Variants in ANKRD29 observed in about 807,000 individuals in gnomAD.
ANKRD29 encodes the protein ankyrin repeat domain-containing protein 29.
ANKRD29 carries 32 observed loss-of-function variants against 38.0 expected under a neutral mutation model. That is an observed-to-expected ratio of 0.84 (90% CI 0.64 to 1.13). The LOEUF (loss-of-function observed/expected upper bound fraction) is 1.13. ANKRD29 is among the 50% of genes most tolerant of loss of function. ANKRD29 has a pLI of 0.00. For missense variants in ANKRD29, 357 were observed against 377.9 expected (o/e 0.94, Z 0.46); for synonymous variants, 135 against 152.4 (o/e 0.89, Z 0.84).
chr18:23,658,502 C>G (rs529349992), intron 1 of ANKRD29, among the ~76,000 whole-genome samples: 1 of 152,288 alleles, frequency 6.6e-6, no homozygotes, highest in African/African-American at 2.4e-5. Context: ...GAGTCTTACC[C>G]AATATCTGAT....
At position 23,646,257 on chromosome 18, in the gene ANKRD29, A is replaced by G. The variant is rs2060138848; in HGVS notation, c.163T>C (p.Tyr55His). The change falls in exon 3 of 10, where the codon TAC (tyrosine) becomes CAC (histidine). Residue 55 changes from tyrosine to histidine, a missense_variant. Tyr to His is a moderately conservative substitution (Grantham distance 83, BLOSUM62 2). Transcript: ENST00000592179. Reference sequence around the variant, plus strand: ...CTCACACAGTCTATGTGGCCAGCGTAGGCAGCAACCATCAGGAGTGTGGTG... The same window carrying G: ...CTCACACAGTCTATGTGGCCAGCGTGGGCAGCAACCATCAGGAGTGTGGTG... ...HGTTLLMVAA[Y>H]AGHIDCVREL... The G allele has an allele frequency of 3.1e-6, 5 of 1,614,070 alleles. No homozygotes were observed. In the East Asian group the frequency reaches 1.1e-4, roughly 36 times the overall value.
chr18:23,624,428 C>G (rs1182537632), intron 6 of ANKRD29, among the ~76,000 whole-genome samples: 1 of 128,140 alleles, frequency 7.8e-6, no homozygotes, highest in Non-Finnish European at 1.6e-5. Flanking sequence ...GATCATGCCT[C>G]TGCACTCCAG....
chr18:23,632,153 G>A (rs2059940402), intron 5 of ANKRD29, among the ~76,000 whole-genome samples: 1 of 152,216 alleles, frequency 6.6e-6, no homozygotes, highest in African/African-American at 2.4e-5. Context: ...TTTTCAAGCA[G>A]ATGTTTTATA....
intron 9 of ANKRD29, among the ~76,000 whole-genome samples, chr18:23,602,451 C>G (rs769613460): frequency 1.3e-5 from 2 of 152,122 alleles, no homozygotes; most frequent in South Asian, 2.1e-4. Context: ...CACTCGAAGG[C>G]CTTTCTTTTC....
chr18:23,623,077 G>GC (rs2059815993), intron 6 of ANKRD29, among the ~76,000 whole-genome samples: 1 of 152,214 alleles, frequency 6.6e-6, no homozygotes, highest in African/African-American at 2.4e-5. Flanking sequence ...AAGGTGGTGA[G>GC]CATGAGCACT....
chr18:23,601,722 T>C (rs1286500934), intron 9 of ANKRD29, among the ~76,000 whole-genome samples: 1 of 152,092 alleles, frequency 6.6e-6, no homozygotes, highest in East Asian at 1.9e-4. Flanking sequence ...CAGGCTGGAG[T>C]GCAGTGTTGC....
At chr18:23,651,374 T>C (rs1037469519) in intron 1 of ANKRD29, among the ~76,000 whole-genome samples, 1 of 152,228 alleles carries the variant, frequency 6.6e-6, no homozygotes, top group African/African-American at 2.4e-5. Context: ...TGTTGCAGCT[T>C]AGGCACCAGG....
chr18:23,626,369 A>C (rs984393244), intron 6 of ANKRD29, among the ~76,000 whole-genome samples: 1 of 152,220 alleles, frequency 6.6e-6, no homozygotes, highest in Non-Finnish European at 1.5e-5. Context: ...AGACCTTTGC[A>C]TTCTATTAAA....
At chr18:23,632,548 T>TATATATATA (rs1555655824) in intron 5 of ANKRD29, among the ~76,000 whole-genome samples, 1 of 148,200 alleles carries the variant, frequency 6.7e-6, no homozygotes, top group African/African-American at 2.5e-5. Context: ...TATATATATA[T>TATATATATA]TACACACTCT....
intron 6 of ANKRD29, among the ~76,000 whole-genome samples, chr18:23,629,036 G>A (rs1568025996): frequency 6.6e-6 from 1 of 152,222 alleles, no homozygotes; most frequent in Non-Finnish European, 1.5e-5. Context: ...CAAGACTGGA[G>A]TGCAGAGGCG....
At chr18:23,639,063 G>A (rs1009203677) in intron 3 of ANKRD29, 116 bp from the exon 4 acceptor site, 1 of 718,658 alleles carries the variant, frequency 1.4e-6, no homozygotes, top group Non-Finnish European at 2.2e-6. Context: ...AGCCTAGGAA[G>A]GGGCTAAATT....
At position 23,599,564 on chromosome 18, in the gene ANKRD29, G is replaced by A. The variant is rs1423242964; in HGVS notation, c.*1662C>T. The stretch of plus-strand genomic sequence containing the variant: ...ATATAGCTTTTTGAAATTCGCACAG[G>A]AGAAAATGTATATTTGTACAAATTT... On this transcript the variant is annotated 3_prime_UTR_variant, in exon 10 of 10. Transcript: ENST00000592179. 1 of 152,172 alleles carries A rather than the reference G, an allele frequency of 6.6e-6. No individual in the cohort carries two copies. Among genetic ancestry groups the A allele is most frequent in the Non-Finnish European group, 1.5e-5 (1 of 68,036 alleles). The allele number at this position is 152,172 out of a possible 1,614,324, so 9.4% of individuals were successfully genotyped here. A position where few individuals can be genotyped will look rare whatever the true frequency, so the allele number is the denominator to read the frequency against.
intron 5 of ANKRD29, among the ~76,000 whole-genome samples, chr18:23,630,662 AT>A (rs2059919255): frequency 6.6e-6 from 1 of 151,870 alleles, no homozygotes; most frequent in Admixed American, 6.6e-5. Context: ...AAATATACAC[AT>A]TTAATATAAT....
chr18:23,612,117 C>T lies in ANKRD29; in HGVS notation c.797G>A (p.Gly266Glu). 1 of 1,613,744 alleles carries T rather than the reference C, an allele frequency of 6.2e-7. No individual in the cohort carries two copies. Among genetic ancestry groups the T allele is most frequent in the Middle Eastern group, 1.7e-4 (1 of 5,836 alleles). ...IKTVALLLEA[G>E]ADPSLRNKAN... ...CTTGTTTCTCAGGGATGGGTCTGCC[C>T]CTGCTTCTAGGAGCAGCGCAACTGT... Residue 266 changes from glycine to glutamate, a missense_variant, in exon 9 of 10, where the codon GGG becomes GAG. Physicochemically the swap from Gly to Glu is moderately conservative, Grantham distance 98. Coordinates refer to ENST00000592179, the MANE Select transcript of ANKRD29 (RefSeq NM_173505.4).
At position 23,662,757 on chromosome 18, in the gene ANKRD29, G is replaced by C. The variant is rs762287146; in HGVS notation, c.-27C>G. 3 of 1,457,972 alleles carry C rather than the reference G, an allele frequency of 2.1e-6. No homozygotes were observed. Among genetic ancestry groups the C allele is most frequent in the African/African-American group, 2.9e-5 (2 of 68,200 alleles). The allele number at this position is 1,457,972 out of a possible 1,614,324, so 90.3% of individuals were successfully genotyped here. Reference sequence around the variant, plus strand: ...TCCGCGGCCGCCCGAGCGGGAGCCGGCGCGCTTTGGGCCCGGGGCGCCTTG... The same window carrying C: ...TCCGCGGCCGCCCGAGCGGGAGCCGCCGCGCTTTGGGCCCGGGGCGCCTTG... On this transcript the variant is annotated 5_prime_UTR_variant, in exon 1 of 10. Transcript: ENST00000592179.
At chr18:23,611,042 G>A (rs1272487400) in intron 9 of ANKRD29, among the ~76,000 whole-genome samples, 3 of 152,340 alleles carry the variant, frequency 2.0e-5, no homozygotes, top group South Asian at 4.1e-4. Context: ...ACATGTGCCA[G>A]CTTAAGCAGA....
chr18:23,619,556 C>G lies in ANKRD29; in HGVS notation c.602G>C (p.Gly201Ala). The change falls in exon 7 of 10, where the codon GGA becomes GCA. Residue 201 changes from glycine (G) to alanine (A), a missense_variant. By Grantham distance (60) the Gly-to-Ala change is moderately conservative. Transcript: ENST00000592179. ...SEVVRVMLLR[G>A]ADRDAARNDG... Reference sequence around the variant, plus strand: ...GTTCCGCGCAGCGTCGCGGTCGGCTCCGCGCAGCAGCATCACCCGCACCAC... The same window carrying G: ...GTTCCGCGCAGCGTCGCGGTCGGCTGCGCGCAGCAGCATCACCCGCACCAC... 1 of 1,596,668 alleles carries G rather than the reference C, an allele frequency of 6.3e-7. No homozygotes were observed. Among genetic ancestry groups the G allele is most frequent in the Non-Finnish European group, 8.5e-7 (1 of 1,178,602 alleles).
In ANKRD29 at chr18:23,624,475, A is replaced by C. The variant is rs2059836407; in HGVS notation, c.529-4846T>G. 2.7e-5 allele frequency among the ~76,000 whole-genome samples: 3 copies of C among 111,260 alleles called. No homozygotes were observed. The Admixed American group carries it at 3.3e-4, about 12-fold the overall frequency. 73.0% of individuals were successfully genotyped at this position (111,260 alleles called of 152,430 possible). On this transcript the variant is annotated intron_variant, in intron 6 of 9. Transcript: ENST00000592179. ...GAGTGAGACTCCATCTCAAAAAAAAAAAAAAAAAAAAAAAAAAAAAAAAAA... is the reference window on the plus strand; with the variant it reads ...GAGTGAGACTCCATCTCAAAAAAAACAAAAAAAAAAAAAAAAAAAAAAAAA...
Position 23,649,416 on chromosome 18 carries a change from T to A in ANKRD29, c.22-223A>T, listed in dbSNP as rs139888919. 4.5e-4 allele frequency: 316 copies of A among 701,120 alleles called. 4 individuals are homozygous for A. In the East Asian group the frequency reaches 7.4e-3, roughly 17 times the overall value. The allele number at this position is 701,120 out of a possible 1,614,324, so 43.4% of individuals were successfully genotyped here. On this transcript the variant is annotated intron_variant, in intron 1 of 9. Coordinates refer to ENST00000592179, the MANE Select transcript of ANKRD29 (RefSeq NM_173505.4). Reference sequence around the variant, plus strand: ...CTATGAAGAGCAGTGTTGTTGATAATCCAGCACTATTAATAACCTATTTCC... The same window carrying A: ...CTATGAAGAGCAGTGTTGTTGATAAACCAGCACTATTAATAACCTATTTCC...
Sources: allele counts gnomAD v4.1 joint callset (sites outside exome capture counted in the v4.1 genomes callset), GRCh38; gene constraint gnomAD v4.1.1; transcripts MANE v1.5; gene names NCBI Gene and HGNC (gene_info 2026-07-23, HGNC 2026-07-21).